The following LPAR6 variants were observed in gnomAD, a reference collection of about 807,000 sequenced individuals.
LPAR6 encodes the protein G-protein coupled purinergic receptor P2Y5.
Under a neutral mutation model 22.0 loss-of-function variants are expected in LPAR6, and 17 were observed. The ratio of observed to expected loss-of-function variants is 0.77; its 90% CI spans 0.53 to 1.16. LPAR6 has a LOEUF of 1.16. Among genes scored for constraint, LPAR6 ranks in the 50% most tolerant of loss-of-function variants. LPAR6 has a pLI of 0.00. For missense variants in LPAR6, 384 were observed against 406.9 expected (o/e 0.94, Z 0.48); for synonymous variants, 136 against 139.8 (o/e 0.97, Z 0.19).
rs537485033 is a variant in LPAR6 at position 48,425,933 on chromosome 13, G to C, written c.-1095+926C>G. Among the ~76,000 whole-genome samples, 8 of 152,324 alleles carry C rather than the reference G, an allele frequency of 5.3e-5. No individual in the cohort carries two copies. In the East Asian group the frequency reaches 1.5e-3, roughly 29 times the overall value. On this transcript the variant is annotated intron_variant, in intron 1 of 4. Coordinates refer to the LPAR6 transcript ENST00000345941. ...GCTTAGGATTACAAAGTGATTATTG[G>C]TGGAGAATGACGAAGTCAAAACTAA... is the stretch of plus-strand genomic sequence containing the variant.
chr13:48,443,046 TAATA>T (rs1290853472), intron 1 of LPAR6, among the ~76,000 whole-genome samples: 4 of 152,086 alleles, frequency 2.6e-5, no homozygotes, highest in African/African-American at 9.7e-5. Context: ...GACATTTAAT[TAATA>T]AATCCATTTG....
chr13:48,440,383 T>C (rs906345310), intron 1 of LPAR6, among the ~76,000 whole-genome samples: 41 of 152,220 alleles, frequency 2.7e-4, no homozygotes, highest in Admixed American at 2.6e-3. Context: ...TGAAGACATC[T>C]TTCTTTTATG....
chr13:48,442,464 T>C (rs1252992897), intron 1 of LPAR6, among the ~76,000 whole-genome samples: 1 of 152,216 alleles, frequency 6.6e-6, no homozygotes, highest in Non-Finnish European at 1.5e-5. Context: ...ATCATAGATA[T>C]TTTTGTCTTA....
intron 1 of LPAR6, among the ~76,000 whole-genome samples, chr13:48,395,798 A>G (rs1311483105): frequency 6.6e-6 from 1 of 152,198 alleles, no homozygotes; most frequent in Admixed American, 6.5e-5. Context: ...ACCAAGTTAG[A>G]AAACACTCTA....
At chr13:48,402,336 G>A (rs1343247822) in intron 1 of LPAR6, among the ~76,000 whole-genome samples, 1 of 150,588 alleles carries the variant, frequency 6.6e-6, no homozygotes, top group Admixed American at 6.6e-5. Flanking sequence ...CAAATGGCCT[G>A]GGGAAGGGAT....
At chr13:48,431,411 A>T (rs1198415879), upstream of LPAR6, among the ~76,000 whole-genome samples, 1 of 152,354 alleles carries the variant, frequency 6.6e-6, no homozygotes, top group African/African-American at 2.4e-5. Context: ...GACTTTAGGC[A>T]TTTATGCAGA....
downstream of LPAR6, among the ~76,000 whole-genome samples, chr13:48,409,570 A>ATTTTTTT (rs5803435): frequency 3.4e-5 from 2 of 59,694 alleles, no homozygotes; most frequent in African/African-American, 6.5e-5. Context: ...GAACTGCTTG[A>ATTTTTTT]TTTTTTTTTT....
rs1005589456 is a variant in LPAR6 at position 48,411,824 on chromosome 13, A to G, written c.600T>C (p.Asn200=). The change falls in exon 1 of 1, where the codon AAT becomes AAC. Residue 200 remains asparagine, a synonymous_variant. Transcript: ENST00000620633. ...TTAGCACCATACTAGAACAAGTTAC[A>G]TTTAAAATTAGAGGAATAAAAAATC... ...IVGFFIPLIL[N]VTCSSMVLKT... The G allele has an allele frequency of 1.2e-6, 2 of 1,613,076 alleles. No individual in the cohort carries two copies. The highest frequency in any genetic ancestry group is 8.5e-7 in the Non-Finnish European group (1 of 1,179,134).
At chr13:48,441,082 T>G (rs1949232129) in intron 1 of LPAR6, among the ~76,000 whole-genome samples, 1 of 152,206 alleles carries the variant, frequency 6.6e-6, no homozygotes, top group Non-Finnish European at 1.5e-5. Flanking sequence ...TACCATAGAT[T>G]TGGTGGCTTA....
chr13:48,412,484 G>T lies in LPAR6; in HGVS notation c.-61C>A. The T allele has an allele frequency of 9.2e-7, 1 of 1,090,874 alleles. No homozygotes were observed. The highest frequency in any genetic ancestry group is 1.2e-5 in the South Asian group (1 of 80,486). The allele number at this position is 1,090,874 out of a possible 1,614,324, so 67.6% of individuals were successfully genotyped here. ...TTTCATCAGCTGCAGTCTCCTTTGG[G>T]ATTCAGATTATAACCTCTATAACCT... On this transcript the variant is annotated 5_prime_UTR_variant, in exon 1 of 1. Transcript: ENST00000620633.
At position 48,412,541 on chromosome 13, in the gene LPAR6, G is replaced by T. The variant is rs545511540; in HGVS notation, c.-118C>A. The T allele has an allele frequency of 4.0e-6, 3 of 756,582 alleles. No individual in the cohort carries two copies. The African/African-American group carries it at 5.2e-5, about 13-fold the overall frequency. 46.9% of individuals were successfully genotyped at this position (756,582 alleles called of 1,614,324 possible). The stretch of plus-strand genomic sequence containing the variant: ...TATTTGCAAATTATCTGGATCTTTG[G>T]ATGGTTTTATAAATATTTCCTTTTT... On this transcript the variant is annotated 5_prime_UTR_variant, in exon 1 of 1. Coordinates refer to ENST00000620633, the MANE Select transcript of LPAR6 (RefSeq NM_001162498.3).
chr13:48,412,251 T>C lies in LPAR6; in HGVS notation c.173A>G (p.Asn58Ser), dbSNP rs748857151. 1 of 1,614,104 alleles carries C rather than the reference T, an allele frequency of 6.2e-7. No individual in the cohort carries two copies. Among genetic ancestry groups the C allele is most frequent in the Non-Finnish European group, 8.5e-7 (1 of 1,179,992 alleles). The change falls in exon 1 of 1, where the codon AAC becomes AGC. Residue 58 changes from asparagine (N) to serine (S), a missense_variant. By Grantham distance (46) the Asn-to-Ser change is conservative (BLOSUM62 1). Coordinates refer to ENST00000620633, the MANE Select transcript of LPAR6 (RefSeq NM_001162498.3). ...VRNETTTYMI[N>S]LAMSDLLFVF... The stretch of plus-strand genomic sequence containing the variant: ...AAAAAGCAAGTCTGACATTGCCAAG[T>C]TAATCATGTAAGTTGTAGTTTCATT...
chr13:48,421,763 A>T (rs1032505343), intron 2 of LPAR6, among the ~76,000 whole-genome samples: 5 of 152,256 alleles, frequency 3.3e-5, no homozygotes, highest in African/African-American at 1.2e-4. Context: ...AAGCATATGA[A>T]CAAAAGCTCA....
intron 1 of LPAR6, among the ~76,000 whole-genome samples, chr13:48,442,525 A>G (rs1949248352): frequency 6.6e-6 from 1 of 152,186 alleles, no homozygotes; most frequent in African/African-American, 2.4e-5. Context: ...TAACTTTCCT[A>G]CTGTACTTAG....
At chr13:48,394,155 G>C (rs1399294950) in intron 1 of LPAR6, among the ~76,000 whole-genome samples, 1 of 152,138 alleles carries the variant, frequency 6.6e-6, no homozygotes, top group Non-Finnish European at 1.5e-5. Context: ...AGGGGTTGGG[G>C]AACTCCCTCC....
downstream of LPAR6, among the ~76,000 whole-genome samples, chr13:48,410,870 G>A (rs1250305332): frequency 6.6e-6 from 1 of 152,020 alleles, no homozygotes; most frequent in Admixed American, 6.6e-5. Flanking sequence ...TTCTACAGAA[G>A]ACTACGTTTT....
chr13:48,419,142 A>G lies in LPAR6; in HGVS notation c.-953-1822T>C, dbSNP rs182171064. Among the ~76,000 whole-genome samples, 239 of 152,330 alleles carry G rather than the reference A, an allele frequency of 1.6e-3. 2 individuals are homozygous for G. Among genetic ancestry groups the G allele is most frequent in the Non-Finnish European group, 2.6e-4 (18 of 68,030 alleles). ...AAACTAACCACATGATTGGGAGTAA[A>G]ACACTCCTCAACAAATGCAAAACAA... On this transcript the variant is annotated intron_variant, in intron 2 of 4. Coordinates refer to the LPAR6 transcript ENST00000345941.
upstream of LPAR6, among the ~76,000 whole-genome samples, chr13:48,431,581 T>C (rs1007157471): frequency 6.6e-6 from 1 of 152,212 alleles, no homozygotes; most frequent in African/African-American, 2.4e-5. Flanking sequence ...ATTGGTTTTC[T>C]AGTGTGCTTG....
intron 1 of LPAR6, among the ~76,000 whole-genome samples, chr13:48,432,192 G>A (rs2041519032): frequency 6.6e-6 from 1 of 152,128 alleles, no homozygotes; most frequent in Admixed American, 6.6e-5. Context: ...AATGAATCAT[G>A]TGGTTGTCTC....
Sources: gnomAD v4.1 joint callset for allele counts (sites outside exome capture counted in the v4.1 genomes callset) on GRCh38, gnomAD v4.1.1 for gene constraint, MANE v1.5 for transcripts, NCBI Gene and HGNC (gene_info 2026-07-23, HGNC 2026-07-21) for gene names.